Variants in IP6K3 observed in about 807,000 individuals in gnomAD.
IP6K3 encodes the protein inositol hexakisphosphate kinase 3.
A neutral mutation model predicts 28.8 loss-of-function variants in IP6K3; 20 were observed. The observed-to-expected ratio is 0.70, with a 90% confidence interval of 0.49 to 1.01. IP6K3 has a LOEUF of 1.01. IP6K3 is among the 50% of genes least tolerant of loss of function. The probability of loss-of-function intolerance (pLI) is 0.00; values close to 1 mark genes in which losing one functional copy is unlikely to be tolerated. For synonymous variants in IP6K3, 213 were observed against 221.3 expected (o/e 0.96, Z 0.33); for missense variants, 480 against 537.1 (o/e 0.89, Z 1.05).
Position 33,725,526 on chromosome 6 carries a change from G to A in IP6K3, c.680C>T (p.Ala227Val), listed in dbSNP as rs1360468692. ...KMGTRQHGDD[A>V]SEEKKARHMR... ...GTGGCGGGCCTTCTTCTCCTCCGATGCATCATCGCCGTGCTGCCGGGTCCC... is the reference window on the plus strand; with the variant it reads ...GTGGCGGGCCTTCTTCTCCTCCGATACATCATCGCCGTGCTGCCGGGTCCC... The change falls in exon 5 of 6, where the codon GCA becomes GTA. Residue 227 changes from alanine to valine, a missense_variant. Physicochemically the swap from Ala to Val is moderately conservative, Grantham distance 64 (BLOSUM62 0). Transcript: ENST00000293756. The A allele has an allele frequency of 3.1e-6, 5 of 1,614,002 alleles. No individual in the cohort carries two copies. Among genetic ancestry groups the A allele is most frequent in the Non-Finnish European group, 4.2e-6 (5 of 1,180,044 alleles).
At chr6:33,728,891 C>T (rs891808515) in intron 2 of IP6K3, among the ~76,000 whole-genome samples, 1 of 152,194 alleles carries the variant, frequency 6.6e-6, no homozygotes, top group Non-Finnish European at 1.5e-5. Context: ...CACTTGCCCT[C>T]CCCCGTCTGT....
chr6:33,731,783 C>G (rs1766331116), intron 2 of IP6K3, among the ~76,000 whole-genome samples: 1 of 152,148 alleles, frequency 6.6e-6, no homozygotes, highest in African/African-American at 2.4e-5. Context: ...CAAGCTCCAG[C>G]CTGGTCTCCA....
At chr6:33,728,040 T>C (rs774206153) in intron 3 of IP6K3, 47 bp downstream of exon 3, 1 of 1,586,016 alleles carries the variant, frequency 6.3e-7, no homozygotes, top group Non-Finnish European at 8.5e-7. Flanking sequence ...GCAGTGCCGG[T>C]CCCTGCCGAG....
intron 1 of IP6K3, among the ~76,000 whole-genome samples, chr6:33,743,793 A>G (rs1766811824): frequency 6.6e-6 from 1 of 152,082 alleles, no homozygotes. Context: ...ATCACAGAGC[A>G]ATACTTCATA....
intron 2 of IP6K3, among the ~76,000 whole-genome samples, chr6:33,732,031 T>C (rs936692081): frequency 6.6e-6 from 1 of 152,226 alleles, no homozygotes; most frequent in Non-Finnish European, 1.5e-5. Context: ...CCTCCGTGAA[T>C]ATTCTATCAT....
In IP6K3 at chr6:33,735,603, A is replaced by T. The variant is rs1289598422; in HGVS notation, c.-127T>A. ...CTCAACTTTCTCCTTCTTGGCCTTT[A>T]TTGCTGTCATAGCGCAGTTGTCCTC... On this transcript the variant is annotated 5_prime_UTR_variant, in exon 2 of 6. Coordinates refer to ENST00000293756, the MANE Select transcript of IP6K3 (RefSeq NM_054111.5). 1 of 1,486,218 alleles carries T rather than the reference A, an allele frequency of 6.7e-7. No individual in the cohort carries two copies. The highest frequency in any genetic ancestry group is 8.9e-7 in the Non-Finnish European group (1 of 1,125,350). The allele number at this position is 1,486,218 out of a possible 1,614,324, so 92.1% of individuals were successfully genotyped here.
upstream of IP6K3, among the ~76,000 whole-genome samples, chr6:33,747,527 T>C (rs889418813): frequency 2.0e-5 from 3 of 151,226 alleles, no homozygotes; most frequent in Non-Finnish European, 4.4e-5. This position sits in a 1 kb window ranked among gnomAD's most constrained non-coding sequence, Gnocchi z 5.2. Flanking sequence ...TTGCAGAGAG[T>C]GAGGAGGGCA....
In IP6K3 at chr6:33,723,134, T is replaced by C. The variant is rs551212186; in HGVS notation, c.819A>G (p.Arg273=). 6.2e-7 allele frequency: 1 copy of C among 1,613,658 alleles called. No individual in the cohort carries two copies. The highest frequency in any genetic ancestry group is 2.2e-5 in the East Asian group (1 of 44,874). ...GTCTGAACCCCTCCACTGAGAGTTT[T>C]CTTCCATAGTACTTGTCTTTGCAGA... ...YFLCKDKYYG[R]KLSVEGFRQA... The change falls in exon 6 of 6, where the codon AGA becomes AGG. Residue 273 remains arginine, a synonymous_variant. Coordinates refer to ENST00000293756, the MANE Select transcript of IP6K3 (RefSeq NM_054111.5).
chr6:33,729,352 C>T (rs1488714752), intron 2 of IP6K3, among the ~76,000 whole-genome samples: 3 of 152,318 alleles, frequency 2.0e-5, no homozygotes, highest in South Asian at 4.1e-4. Flanking sequence ...TCTCCTAATG[C>T]GCTCACCCTC....
At chr6:33,750,559 T>C (rs1285360510), upstream of IP6K3, among the ~76,000 whole-genome samples, 1 of 152,212 alleles carries the variant, frequency 6.6e-6, no homozygotes, top group Non-Finnish European at 1.5e-5. The surrounding 1 kb of genome is among the most constrained non-coding windows in gnomAD (Gnocchi z 4.3). Context: ...TGTGTGTGAC[T>C]TGCTCCTTGC....
intron 1 of IP6K3, among the ~76,000 whole-genome samples, chr6:33,740,390 T>C (rs1766675272): frequency 6.6e-6 from 1 of 152,230 alleles, no homozygotes; most frequent in Admixed American, 6.5e-5. Context: ...ACTCCAGGGC[T>C]AATTTCTGCT....
chr6:33,745,291 G>T (rs1189768298), intron 1 of IP6K3, among the ~76,000 whole-genome samples: 2 of 152,216 alleles, frequency 1.3e-5, no homozygotes, highest in Non-Finnish European at 2.9e-5. Flanking sequence ...CGCTGGCCAG[G>T]GGGTGGGCTT....
At position 33,736,469 on chromosome 6, in the gene IP6K3, A is replaced by G. The variant is rs1237517276; in HGVS notation, c.-179-814T>C. On this transcript the variant is annotated intron_variant, in intron 1 of 5. Transcript: ENST00000293756. ...GCCCAGGCTGGAGTGCAGTGGTGTGATCTCGGCTCACTGCAACTTTTGCCT... is the reference window on the plus strand; with the variant it reads ...GCCCAGGCTGGAGTGCAGTGGTGTGGTCTCGGCTCACTGCAACTTTTGCCT... Among the ~76,000 whole-genome samples the G allele has an allele frequency of 2.6e-5, 4 of 151,704 alleles. No homozygotes were observed. The East Asian group carries it at 7.8e-4, about 29-fold the overall frequency.
chr6:33,736,347 T>C (rs112108186), intron 1 of IP6K3, among the ~76,000 whole-genome samples: 2 of 152,330 alleles, frequency 1.3e-5, no homozygotes, highest in African/African-American at 4.8e-5. Flanking sequence ...CCACTGCTGC[T>C]GGGGCTCTCA....
upstream of IP6K3, among the ~76,000 whole-genome samples, chr6:33,751,339 G>A (rs949632946): frequency 5.9e-5 from 9 of 152,074 alleles, no homozygotes; most frequent in African/African-American, 1.4e-4. This position sits in a 1 kb window ranked among gnomAD's most constrained non-coding sequence, Gnocchi z 4.3. Context: ...CACTACAGCC[G>A]GGAATGTGGG....
intron 1 of IP6K3, among the ~76,000 whole-genome samples, chr6:33,745,090 C>T (rs1048206610): frequency 1.3e-5 from 2 of 152,366 alleles, no homozygotes; most frequent in Non-Finnish European, 2.9e-5. Flanking sequence ...CTGCAGCCCG[C>T]GGGCCAGCAC....
intron 1 of IP6K3, among the ~76,000 whole-genome samples, chr6:33,740,880 A>G (rs1417737597): frequency 2.6e-5 from 4 of 152,256 alleles, no homozygotes; most frequent in African/African-American, 9.6e-5. Flanking sequence ...AAATAGGAAT[A>G]GATTAGTCAT....
At chr6:33,745,857 A>C (rs1766888005) in intron 1 of IP6K3, among the ~76,000 whole-genome samples, 1 of 152,110 alleles carries the variant, frequency 6.6e-6, no homozygotes, top group Non-Finnish European at 1.5e-5. Context: ...AATACGACAA[A>C]ACTCGGGCCA....
chr6:33,728,387 T>A (rs1766201827), intron 2 of IP6K3, 87 bp from the exon 3 acceptor site: 1 of 1,220,462 alleles, frequency 8.2e-7, no homozygotes, highest in Non-Finnish European at 1.2e-6. Flanking sequence ...GTTGGGAATT[T>A]AGCTTAATGG....
Sources: allele counts gnomAD v4.1 joint callset (sites outside exome capture counted in the v4.1 genomes callset), GRCh38; gene constraint gnomAD v4.1.1; non-coding constraint Gnocchi (gnomAD v3.1); transcripts MANE v1.5; gene names NCBI Gene and HGNC (gene_info 2026-07-23, HGNC 2026-07-21).